PTPRE: variants seen among roughly 807,000 people sequenced by gnomAD.
The protein encoded by PTPRE is receptor-type tyrosine-protein phosphatase epsilon.
A neutral mutation model predicts 102.0 loss-of-function variants in PTPRE; 51 were observed. The observed-to-expected ratio is 0.50, with a 90% CI of 0.40 to 0.63. The LOEUF (loss-of-function observed/expected upper bound fraction) is 0.63, where lower values mean the gene tolerates loss of function less well. PTPRE is among the 30% of genes least tolerant of loss of function. The pLI, the probability that PTPRE is intolerant of heterozygous loss-of-function variation, is 0.00. For synonymous variants in PTPRE, 345 were observed against 348.2 expected (o/e 0.99, Z 0.10); for missense variants, 752 against 915.1 (o/e 0.82, Z 2.30).
intron 2 of PTPRE, among the ~76,000 whole-genome samples, chr10:128,012,393 CT>C (rs1845094694): frequency 6.6e-6 from 1 of 152,208 alleles, no homozygotes; most frequent in African/African-American, 2.4e-5. Context: ...CCTGTGAGGT[CT>C]GGCCCATCCT....
intron 1 of PTPRE, among the ~76,000 whole-genome samples, chr10:127,971,172 A>G (rs954316791): frequency 6.6e-6 from 1 of 152,164 alleles, no homozygotes; most frequent in Admixed American, 6.5e-5. Context: ...TCATGTTGTC[A>G]AGTGTCCATA....
chr10:127,984,733 A>G (rs1668955635), intron 2 of PTPRE, among the ~76,000 whole-genome samples: 1 of 152,156 alleles, frequency 6.6e-6, no homozygotes, highest in African/African-American at 2.4e-5. Flanking sequence ...GTTTCCACTT[A>G]ACTTCTTCCT....
At chr10:128,076,226 G>C (rs1244537150) in intron 17 of PTPRE, among the ~76,000 whole-genome samples, 2 of 152,132 alleles carry the variant, frequency 1.3e-5, no homozygotes, top group African/African-American at 4.8e-5. Flanking sequence ...GCCATGACAC[G>C]TGGAAGTGCA....
intron 2 of PTPRE, among the ~76,000 whole-genome samples, chr10:128,015,346 C>A (rs1845327250): frequency 6.6e-6 from 1 of 151,970 alleles, no homozygotes; most frequent in South Asian, 2.1e-4. Flanking sequence ...GAGTTGAAGA[C>A]CAGCCTGGAC....
chr10:127,993,877 C>T (rs902232255), intron 2 of PTPRE, among the ~76,000 whole-genome samples: 4 of 151,986 alleles, frequency 2.6e-5, no homozygotes, highest in African/African-American at 9.7e-5. Flanking sequence ...TAGAAGGCAT[C>T]CATCCAGCCC....
intron 2 of PTPRE, among the ~76,000 whole-genome samples, chr10:128,027,887 A>G (rs1046903884): frequency 6.6e-6 from 1 of 152,114 alleles, no homozygotes; most frequent in African/African-American, 2.4e-5. Flanking sequence ...AGGGCAGGTG[A>G]CAGTCCCAGG....
chr10:128,071,360 C>A (rs1850753557), intron 15 of PTPRE: 1 of 186,454 alleles, frequency 5.4e-6, no homozygotes. Context: ...AAGGCTGTGG[C>A]CTTGAGGAGG....
chr10:128,066,219 T>G, intron 11 of PTPRE, 25 bp downstream of exon 11: 1 of 1,609,288 alleles, frequency 6.2e-7, no homozygotes, highest in Non-Finnish European at 8.5e-7. Flanking sequence ...TTGCTGCCCT[T>G]CCAGAAAGAT....
chr10:127,930,755 C>T (rs1278588952), intron 1 of PTPRE, among the ~76,000 whole-genome samples: 1 of 151,952 alleles, frequency 6.6e-6, no homozygotes, highest in Non-Finnish European at 1.5e-5. Flanking sequence ...TCTTTGCCAA[C>T]ATTTGCTATT....
At chr10:127,969,735 C>G (rs1266731317) in intron 1 of PTPRE, among the ~76,000 whole-genome samples, 2 of 151,574 alleles carry the variant, frequency 1.3e-5, no homozygotes, top group African/African-American at 4.8e-5. Context: ...CTTGTCATAT[C>G]ACACGTAAAG....
intron 1 of PTPRE, chr10:127,934,239 G>A (rs1049078514): frequency 6.6e-6 from 1 of 152,134 alleles, no homozygotes. Context: ...TGTCTGCAGA[G>A]GAGTTCACAC....
chr10:127,998,648 C>T (rs1853532067), intron 2 of PTPRE: 1 of 152,156 alleles, frequency 6.6e-6, no homozygotes, highest in African/African-American at 2.4e-5. Flanking sequence ...AAACCATCCT[C>T]CCGACATGAC....
At chr10:127,917,208 C>T (rs952744327) in intron 1 of PTPRE, among the ~76,000 whole-genome samples, 4 of 150,414 alleles carry the variant, frequency 2.7e-5, no homozygotes, top group African/African-American at 9.8e-5. Context: ...ATGGTGCGCC[C>T]AGGGTGTGAG....
intron 2 of PTPRE, among the ~76,000 whole-genome samples, chr10:128,032,826 C>T (rs934467002): frequency 6.6e-6 from 1 of 152,174 alleles, no homozygotes; most frequent in African/African-American, 2.4e-5. Flanking sequence ...AGTCTGAACT[C>T]TCTTCTTCCA....
At chr10:127,954,567 A>G (rs1849266044) in intron 1 of PTPRE, among the ~76,000 whole-genome samples, 1 of 152,152 alleles carries the variant, frequency 6.6e-6, no homozygotes, top group South Asian at 2.1e-4. Flanking sequence ...ATGCTCGTGG[A>G]ATTCACTAGT....
chr10:127,999,791 G>A (rs971631894), intron 2 of PTPRE: 4 of 985,284 alleles, frequency 4.1e-6, no homozygotes, highest in Admixed American at 6.1e-5. Flanking sequence ...GCCGGCAGCC[G>A]CGAGCCTCAG....
At chr10:128,067,792 C>T (rs1345951852) in intron 11 of PTPRE, among the ~76,000 whole-genome samples, 1 of 152,212 alleles carries the variant, frequency 6.6e-6, no homozygotes, top group African/African-American at 2.4e-5. Context: ...TGGGACTGTC[C>T]AGGCAAGATG....
rs1158358294 is a variant in PTPRE at position 128,077,646 on chromosome 10, A to G, written c.1755A>G (p.Arg585=). The change falls in exon 19 of 21, where the codon CGA becomes CGG. Residue 585 remains arginine, a synonymous_variant. Coordinates refer to ENST00000254667, the MANE Select transcript of PTPRE (RefSeq NM_006504.6). ...QPQARQEEQV[R]VVRQFHFHGW... ...AGGCCCGCCAGGAGGAGCAGGTCCGAGTAGTGCGCCAGTTTCACTTCCACG... is the reference window on the plus strand; with the variant it reads ...AGGCCCGCCAGGAGGAGCAGGTCCGGGTAGTGCGCCAGTTTCACTTCCACG... 2 of 1,613,196 alleles carry G rather than the reference A, an allele frequency of 1.2e-6. No homozygotes were observed. The highest frequency in any genetic ancestry group is 1.7e-6 in the Non-Finnish European group (2 of 1,179,428).
intron 1 of PTPRE, among the ~76,000 whole-genome samples, chr10:127,911,520 A>T (rs959552353): frequency 6.6e-6 from 1 of 152,220 alleles, no homozygotes; most frequent in Non-Finnish European, 1.5e-5. Flanking sequence ...TAAAGCTAGG[A>T]AGCTGTGGCC....
Sources: gnomAD v4.1 joint callset for allele counts (sites outside exome capture counted in the v4.1 genomes callset) on GRCh38, gnomAD v4.1.1 for gene constraint, MANE v1.5 for transcripts, NCBI Gene and HGNC (gene_info 2026-07-23, HGNC 2026-07-21) for gene names.